The following GPNMB variants were observed in gnomAD, a reference collection of about 807,000 sequenced individuals.
The protein encoded by GPNMB is transmembrane glycoprotein NMB.
GPNMB carries 71 observed loss-of-function variants against 57.3 expected under a neutral mutation model. That is an observed-to-expected ratio of 1.24 (90% CI 1.02 to 1.51). GPNMB has a LOEUF of 1.51. Ranked by LOEUF, GPNMB falls within the 40% of genes most tolerant of loss-of-function variation. GPNMB has a pLI of 0.00. For synonymous variants in GPNMB, 253 were observed against 263.2 expected (o/e 0.96, Z 0.38); for missense variants, 677 against 691.9 (o/e 0.98, Z 0.24).
intron 9 of GPNMB, among the ~76,000 whole-genome samples, chr7:23,270,942 T>C (rs911509334): frequency 1.3e-5 from 2 of 152,206 alleles, no homozygotes; most frequent in African/African-American, 2.4e-5. Context: ...TTAGAAGAAG[T>C]GCTACGTGGT....
At chr7:23,248,690 G>A (rs199357) in intron 1 of GPNMB, among the ~76,000 whole-genome samples, 75,392 of 151,756 alleles carry the variant, frequency 0.5, 21,220 homozygotes, top group African/African-American at 0.78. Flanking sequence ...CACTGGGTGC[G>A]ACCTCAAATT....
chr7:23,256,147 C>G (rs1782772650), intron 3 of GPNMB, among the ~76,000 whole-genome samples: 1 of 152,142 alleles, frequency 6.6e-6, no homozygotes, highest in Non-Finnish European at 1.5e-5. Flanking sequence ...CTCAAGCGAT[C>G]CGCCCATCTC....
chr7:23,256,836 A>C (rs976473026), intron 3 of GPNMB, 56 bp from the exon 4 acceptor site: 123 of 1,439,030 alleles, frequency 8.5e-5, no homozygotes, highest in Middle Eastern at 1.8e-4. Flanking sequence ...TGATGCATGC[A>C]CATTGGGTTT....
At chr7:23,256,310 A>C (rs1457373137) in intron 3 of GPNMB, among the ~76,000 whole-genome samples, 1 of 152,238 alleles carries the variant, frequency 6.6e-6, no homozygotes, top group Non-Finnish European at 1.5e-5. Context: ...TTCTTTCCAT[A>C]TATCTATAAT....
At chr7:23,269,007 C>T (rs1006762433) in intron 8 of GPNMB, among the ~76,000 whole-genome samples, 1 of 152,204 alleles carries the variant, frequency 6.6e-6, no homozygotes, top group Admixed American at 6.5e-5. Context: ...AGCTCCACCC[C>T]TGGCTGCTTG....
At chr7:23,268,045 G>A in intron 8 of GPNMB, 57 bp downstream of exon 8, 1 of 1,039,954 alleles carries the variant, frequency 9.6e-7, no homozygotes, top group Non-Finnish European at 1.5e-6. Context: ...CCTCAAGTCT[G>A]AACAAAGGCA....
chr7:23,266,230 T>G (rs1783057373), intron 6 of GPNMB: 1 of 367,382 alleles, frequency 2.7e-6, no homozygotes, highest in Non-Finnish European at 5.0e-6. Context: ...ATTACAGGCA[T>G]GAGCCACTGC....
rs1562645855 is a variant in GPNMB, at chr7:23,273,553, G to A, written c.1462G>A (p.Ala488Thr). The A allele has an allele frequency of 5.0e-6, 8 of 1,613,884 alleles. No homozygotes were observed. Among genetic ancestry groups the A allele is most frequent in the Non-Finnish European group, 5.9e-6 (7 of 1,179,770 alleles). ...CTCGCCTTTAAGGATGGCAAACAGTGCCCTGATCTCCGTTGGCTGCTTGGC... is the reference window on the plus strand; with the variant it reads ...CTCGCCTTTAAGGATGGCAAACAGTACCCTGATCTCCGTTGGCTGCTTGGC... Reference protein sequence around the residue: ...PASPLRMANSALISVGCLAIF... With the variant: ...PASPLRMANSTLISVGCLAIF... The change falls in exon 10 of 11, where the codon GCC becomes ACC. Residue 488 changes from alanine to threonine, a missense_variant. By Grantham distance (58) the Ala-to-Thr change is moderately conservative (BLOSUM62 0). Coordinates refer to ENST00000258733, the MANE Select transcript of GPNMB (RefSeq NM_002510.3).
At chr7:23,263,336 G>A (rs1278622153) in intron 6 of GPNMB, among the ~76,000 whole-genome samples, 1 of 152,116 alleles carries the variant, frequency 6.6e-6, no homozygotes, top group Non-Finnish European at 1.5e-5. Context: ...AGTGGGCCAG[G>A]CATGGTGGCT....
chr7:23,260,096 T>C lies in GPNMB; in HGVS notation c.658T>C (p.Tyr220His). The C allele has an allele frequency of 6.2e-7, 1 of 1,613,976 alleles. No individual in the cohort carries two copies. Among genetic ancestry groups the C allele is most frequent in the Non-Finnish European group, 8.5e-7 (1 of 1,179,882 alleles). Residue 220 changes from tyrosine to histidine, a missense_variant, in exon 5 of 11, where the codon TAT becomes CAT. Transcript: ENST00000258733. ...TGTCTACAGAAGACATGGACGGGCA[T>C]ATGTTCCCATCGCACAAGTGAAAGA... ...VTVYRRHGRA[Y>H]VPIAQVKDVY...
At chr7:23,249,217 C>T (rs189887853) in intron 1 of GPNMB, among the ~76,000 whole-genome samples, 1 of 152,296 alleles carries the variant, frequency 6.6e-6, no homozygotes, top group Non-Finnish European at 1.5e-5. Context: ...CCATTGCATC[C>T]GGCCTTTATT....
intron 8 of GPNMB, among the ~76,000 whole-genome samples, chr7:23,269,241 C>G (rs1467019787): frequency 6.6e-6 from 1 of 151,970 alleles, no homozygotes; most frequent in Non-Finnish European, 1.5e-5. Context: ...CAAAAATTAG[C>G]CAGGAGTGGT....
rs1782873940 is a variant in GPNMB, at chr7:23,259,965, T to G, written c.542-15T>G. 5 of 1,613,108 alleles carry G rather than the reference T, an allele frequency of 3.1e-6. No homozygotes were observed. The highest frequency in any genetic ancestry group is 4.2e-6 in the Non-Finnish European group (5 of 1,179,194). ...ATAATGCAGCCAATAACTAAAAATT[T>G]CCATCCTCCCAAAGGTCAGTATTTC... On this transcript the variant is annotated splice_polypyrimidine_tract_variant and intron_variant, in intron 4 of 10. Transcript: ENST00000258733.
At chr7:23,269,055 C>T (rs531382572) in intron 8 of GPNMB, among the ~76,000 whole-genome samples, 1 of 152,246 alleles carries the variant, frequency 6.6e-6, no homozygotes, top group East Asian at 1.9e-4. Flanking sequence ...CCTGATTTGT[C>T]ATCTGTTAAA....
chr7:23,247,153 G>T, intron 1 of GPNMB: 2 of 555,362 alleles, frequency 3.6e-6, no homozygotes, highest in South Asian at 4.1e-5. Context: ...AAACTATGCT[G>T]CCCTTCTCTT....
At chr7:23,269,835 T>C in intron 8 of GPNMB, 132 bp from the exon 9 acceptor site, 1 of 698,574 alleles carries the variant, frequency 1.4e-6, no homozygotes, top group South Asian at 1.7e-5. Flanking sequence ...CAGCATCTTA[T>C]AGTTTGAGTA....
At chr7:23,272,040 C>T (rs1018968907) in intron 9 of GPNMB, among the ~76,000 whole-genome samples, 11 of 151,974 alleles carry the variant, frequency 7.2e-5, no homozygotes, top group South Asian at 2.1e-4. Context: ...GGTGGAGAGC[C>T]GGGGAGGGTG....
chr7:23,272,197 T>C (rs1360849064), intron 9 of GPNMB, among the ~76,000 whole-genome samples: 3 of 152,260 alleles, frequency 2.0e-5, no homozygotes, highest in Admixed American at 2.0e-4. Context: ...TAATTCATTC[T>C]ATTAAGCTTC....
chr7:23,248,513 C>G (rs934407484), intron 1 of GPNMB, among the ~76,000 whole-genome samples: 1 of 152,138 alleles, frequency 6.6e-6, no homozygotes, highest in Non-Finnish European at 1.5e-5. Context: ...TAAGGGCAGG[C>G]AGAATGTAGC....
Sources: gnomAD v4.1 joint callset for allele counts (sites outside exome capture counted in the v4.1 genomes callset) on GRCh38, gnomAD v4.1.1 for gene constraint, MANE v1.5 for transcripts, NCBI Gene and HGNC (gene_info 2026-07-23, HGNC 2026-07-21) for gene names.